Variants in MMP26 observed in about 807,000 individuals in gnomAD.
MMP26 encodes matrix metallopeptidase 26, also known as matrix metalloproteinase-26.
In MMP26, 33 loss-of-function variants were observed where a neutral mutation model predicts 31.0. That is an observed-to-expected ratio of 1.06 (90% CI 0.81 to 1.42). The LOEUF (loss-of-function observed/expected upper bound fraction) is 1.42, where lower values mean the gene tolerates loss of function less well. Among genes scored for constraint, MMP26 ranks in the 40% most tolerant of loss-of-function variants. The pLI is 0.00. For missense variants in MMP26, 347 were observed against 316.1 expected, an observed-to-expected ratio of 1.10 and a Z score of -0.74; for synonymous variants, 122 against 114.9, an observed-to-expected ratio of 1.06 and a Z score of -0.40.
chr11:4,821,245 A>G, intron 2 of MMP26: 1 of 693,242 alleles, frequency 1.4e-6, no homozygotes, highest in South Asian at 1.8e-5. Flanking sequence ...AAACACTGAC[A>G]GACTTGGAGA....
At chr11:4,866,282 C>T (rs1164209438) in intron 2 of MMP26, among the ~76,000 whole-genome samples, 1 of 152,120 alleles carries the variant, frequency 6.6e-6, no homozygotes, top group East Asian at 1.9e-4. Flanking sequence ...AGATAAATTT[C>T]AGTTTAAATT....
intron 2 of MMP26, chr11:4,907,470 T>A (rs567574105): frequency 1.2e-6 from 2 of 1,613,974 alleles, no homozygotes; most frequent in Non-Finnish European, 8.5e-7. Flanking sequence ...ATTTGCCTCA[T>A]GTACCTGCTT....
chr11:4,792,736 T>C (rs572768776), intron 2 of MMP26, among the ~76,000 whole-genome samples: 1 of 152,300 alleles, frequency 6.6e-6, no homozygotes, highest in South Asian at 2.1e-4. Flanking sequence ...CATACATGGC[T>C]TACAGTTGGG....
intron 3 of MMP26, among the ~76,000 whole-genome samples, chr11:4,988,682 C>T (rs148309518): frequency 8.7e-4 from 132 of 152,116 alleles, no homozygotes; most frequent in African/African-American, 3.1e-3. Flanking sequence ...ATTAATGGGA[C>T]CTTCACATTG....
At chr11:4,969,330 T>A (rs899258500) in intron 2 of MMP26, among the ~76,000 whole-genome samples, 15 of 152,058 alleles carry the variant, frequency 9.9e-5, no homozygotes, top group African/African-American at 3.6e-4. Flanking sequence ...TGCTTAGTAA[T>A]GAATATTGTA....
intron 2 of MMP26, among the ~76,000 whole-genome samples, chr11:4,961,630 C>A (rs903440978): frequency 1.3e-5 from 2 of 152,196 alleles, no homozygotes; most frequent in Admixed American, 1.3e-4. Context: ...CATGATGCAA[C>A]CGTCCTGCAG....
In MMP26 at chr11:4,991,945, T is replaced by A; in HGVS notation, c.596-19T>A. 6.4e-7 allele frequency: 1 copy of A among 1,564,662 alleles called. No individual in the cohort carries two copies. The highest frequency in any genetic ancestry group is 8.6e-7 in the Non-Finnish European group (1 of 1,161,766). On this transcript the variant is annotated intron_variant, in intron 6 of 7. Transcript: ENST00000380390. ...TATGCATAGTTAATTTTATCTTTTT[T>A]TTTTCTATAATTTTTCAGGATATAA...
intron 2 of MMP26, among the ~76,000 whole-genome samples, chr11:4,925,945 T>G (rs552062089): frequency 6.6e-4 from 101 of 152,272 alleles, no homozygotes; most frequent in Non-Finnish European, 1.2e-3. Flanking sequence ...GTAAAAAGTT[T>G]ATATTCTGTG....
chr11:4,725,496 C>T (rs923605138), intron 1 of MMP26, among the ~76,000 whole-genome samples: 6 of 152,148 alleles, frequency 3.9e-5, no homozygotes, highest in Non-Finnish European at 8.8e-5. Flanking sequence ...GTTGTCAGAG[C>T]CTTGTTTGTT....
Position 4,730,588 on chromosome 11 carries a change from C to T in MMP26, c.-217+25543C>T, listed in dbSNP as rs112479837. 1.3e-3 allele frequency among the ~76,000 whole-genome samples: 197 copies of T among 152,268 alleles called. 1 individual carries two copies. Among genetic ancestry groups the T allele is most frequent in the African/African-American group, 4.5e-3 (188 of 41,556 alleles). On this transcript the variant is annotated intron_variant, in intron 1 of 7. Coordinates refer to ENST00000380390, the MANE Select transcript of MMP26 (RefSeq NM_021801.5). ...CATGAGATAAACTGAGGAATAGAAA[C>T]AGTTTGCCTTTAGTCATAATGTACG...
intron 2 of MMP26, among the ~76,000 whole-genome samples, chr11:4,953,635 C>T (rs1846395435): frequency 7.9e-6 from 1 of 125,792 alleles, no homozygotes; most frequent in Non-Finnish European, 1.8e-5. Context: ...TGAAAACTCA[C>T]AGGAAGAAAA....
intron 2 of MMP26, among the ~76,000 whole-genome samples, chr11:4,959,576 G>T (rs1288623263): frequency 1.3e-5 from 2 of 152,078 alleles, no homozygotes; most frequent in Non-Finnish European, 2.9e-5. Flanking sequence ...ATTTTCCCCT[G>T]AACACACCAG....
chr11:4,782,034 T>A (rs185685984), intron 2 of MMP26, among the ~76,000 whole-genome samples: 1 of 152,344 alleles, frequency 6.6e-6, no homozygotes, highest in Admixed American at 6.5e-5. Context: ...CTTGGGTATG[T>A]CTTTATCAGC....
intron 2 of MMP26, among the ~76,000 whole-genome samples, chr11:4,929,072 A>G (rs1267437390): frequency 6.6e-6 from 1 of 152,156 alleles, no homozygotes; most frequent in East Asian, 1.9e-4. Flanking sequence ...GAATGAAACT[A>G]CTAGCTACAA....
intron 2 of MMP26, among the ~76,000 whole-genome samples, chr11:4,893,953 A>C (rs1000778352): frequency 6.6e-6 from 1 of 151,942 alleles, no homozygotes; most frequent in Admixed American, 6.6e-5. Context: ...AAAAAAAAAA[A>C]CAAAGTAATA....
intron 2 of MMP26, among the ~76,000 whole-genome samples, chr11:4,809,178 G>A (rs1392692458): frequency 2.0e-5 from 3 of 152,060 alleles, no homozygotes; most frequent in Admixed American, 6.6e-5. Flanking sequence ...TTTTAAATCT[G>A]TTCCCCTCCA....
Position 4,924,226 on chromosome 11 carries a change from C to G in MMP26, c.-144-63842C>G, listed in dbSNP as rs749934165. On this transcript the variant is annotated intron_variant, in intron 2 of 7. Coordinates refer to ENST00000380390, the MANE Select transcript of MMP26 (RefSeq NM_021801.5). ...TGGTGAGGTTCCCCAAGATAACTGTCAGGTAGATGAAGCAGAAGGGAATAG... is the reference window on the plus strand; with the variant it reads ...TGGTGAGGTTCCCCAAGATAACTGTGAGGTAGATGAAGCAGAAGGGAATAG... 4.3e-6 allele frequency: 7 copies of G among 1,614,000 alleles called. No homozygotes were observed. In the African/African-American group the frequency reaches 9.3e-5, roughly 22 times the overall value.
chr11:4,748,043 C>T (rs938942855), intron 1 of MMP26, among the ~76,000 whole-genome samples: 12 of 151,754 alleles, frequency 7.9e-5, no homozygotes, highest in Non-Finnish European at 1.8e-4. Flanking sequence ...AACTGATAGA[C>T]AACTAGCTAG....
intron 2 of MMP26, among the ~76,000 whole-genome samples, chr11:4,824,159 A>G (rs905916073): frequency 1.8e-4 from 28 of 152,098 alleles, no homozygotes; most frequent in African/African-American, 6.3e-4. Flanking sequence ...ATTAATGGGT[A>G]CTGTATACAT....
Sources: allele counts gnomAD v4.1 joint callset (sites outside exome capture counted in the v4.1 genomes callset), GRCh38; gene constraint gnomAD v4.1.1; transcripts MANE v1.5; gene names NCBI Gene and HGNC (gene_info 2026-07-23, HGNC 2026-07-21).